EPG5: variants seen among roughly 807,000 people sequenced by gnomAD.
EPG5 encodes ectopic P-granules 5 autophagy tethering factor.
In EPG5, 159 loss-of-function variants were observed where a neutral mutation model predicts 302.7. The observed-to-expected ratio is 0.53, with a 90% CI of 0.46 to 0.60. The LOEUF (loss-of-function observed/expected upper bound fraction) is 0.60, where lower values mean the gene tolerates loss of function less well. Among genes scored for constraint, EPG5 ranks in the 20% least tolerant of loss-of-function variants. EPG5 has a pLI of 0.00. For synonymous variants in EPG5, 1,158 were observed against 1,136.8 expected, an observed-to-expected ratio of 1.02 and a Z score of -0.37; for missense variants, 2,896 against 3,092.4, an observed-to-expected ratio of 0.94 and a Z score of 1.51.
At chr18:45,908,325 C>G (rs2049810510) in intron 23 of EPG5, among the ~76,000 whole-genome samples, 1 of 151,992 alleles carries the variant, frequency 6.6e-6, no homozygotes, top group Non-Finnish European at 1.5e-5. Context: ...GGGGCTCTGA[C>G]AACAATTCTT....
chr18:45,900,427 A>G (rs1437065080), intron 26 of EPG5, among the ~76,000 whole-genome samples: 1 of 151,750 alleles, frequency 6.6e-6, no homozygotes, highest in Admixed American at 6.6e-5. Flanking sequence ...AAAAAAGGAA[A>G]TTGATTCACA....
intron 1 of EPG5, among the ~76,000 whole-genome samples, chr18:45,966,850 A>T (rs1221847081): frequency 6.6e-6 from 1 of 152,210 alleles, no homozygotes; most frequent in East Asian, 1.9e-4. Flanking sequence ...AGAGTCAACG[A>T]TGGGGCTGGA....
At chr18:45,854,242 T>C (rs975196512) in intron 43 of EPG5, among the ~76,000 whole-genome samples, 1 of 152,248 alleles carries the variant, frequency 6.6e-6, no homozygotes, top group African/African-American at 2.4e-5. Context: ...GAGTGACAAC[T>C]ATCAGCTATT....
intron 22 of EPG5, among the ~76,000 whole-genome samples, chr18:45,911,452 A>AT (rs1163464123): frequency 6.6e-6 from 1 of 150,376 alleles, no homozygotes; most frequent in Non-Finnish European, 1.5e-5. Context: ...CGCCTGGCTA[A>AT]TTTTTTTGTA....
In EPG5 at chr18:45,916,333, C is replaced by G; in HGVS notation, c.3384+105G>C. ...ATTGCCTTTCTTGGCCAAAAGCACA[C>G]TAAGCCAAGTGATCTGAAATGACTA... On this transcript the variant is annotated intron_variant, in intron 18 of 43. Transcript: ENST00000282041. 2.6e-6 allele frequency: 4 copies of G among 1,537,468 alleles called. No homozygotes were observed. The South Asian group carries it at 5.0e-5, about 19-fold the overall frequency.
the EPG5 span, among the ~76,000 whole-genome samples, chr18:45,823,134 GAAC>G: frequency 6.6e-6 from 1 of 152,152 alleles, no homozygotes; most frequent in East Asian, 1.9e-4. Flanking sequence ...AATGAGTTTT[GAAC>G]AACAAGCTAG....
chr18:45,811,520 A>G, the EPG5 span, among the ~76,000 whole-genome samples: 1 of 152,206 alleles, frequency 6.6e-6, no homozygotes, highest in East Asian at 1.9e-4. Flanking sequence ...ATCCTCAATA[A>G]AATACTGGCA....
At chr18:45,896,692 G>C (rs1049713335) in intron 27 of EPG5, among the ~76,000 whole-genome samples, 1 of 152,092 alleles carries the variant, frequency 6.6e-6, no homozygotes, top group South Asian at 2.1e-4. Flanking sequence ...CCACAGGCGT[G>C]CGCCACCATG....
intron 13 of EPG5, among the ~76,000 whole-genome samples, chr18:45,926,583 T>C (rs141992528): frequency 3.7e-3 from 567 of 152,188 alleles, no homozygotes; most frequent in African/African-American, 0.013. Flanking sequence ...TCCCAGCACT[T>C]TGGGGGGCCC....
intron 24 of EPG5, chr18:45,907,276 A>C (rs1334494146): frequency 2.0e-5 from 3 of 152,204 alleles, no homozygotes; most frequent in African/African-American, 7.2e-5. Flanking sequence ...GTCAATACTC[A>C]AAAGACTGCA....
chr18:45,895,589 A>T (rs1234818426), intron 27 of EPG5, among the ~76,000 whole-genome samples: 1 of 152,210 alleles, frequency 6.6e-6, no homozygotes, highest in Admixed American at 6.5e-5. Context: ...CTAGCAATTT[A>T]AGGGTTTGAG....
In EPG5 at chr18:45,910,525, C is replaced by T. The variant is rs773767816; in HGVS notation, c.4201G>A (p.Val1401Met). Residue 1401 changes from valine (V) to methionine (M), a missense_variant, in exon 23 of 44, where the codon GTG becomes ATG. Physicochemically the swap from Val to Met is conservative, Grantham distance 21. Transcript: ENST00000282041. ...TGGCTAAATAACCATACTCACCTCA[C>T]CAGCTCCTTGTGCAGTTCTGGTGAA... Reference protein sequence around the residue: ...LTSPELHKELVRLFNVYILWL... With the variant: ...LTSPELHKELMRLFNVYILWL... 1 of 1,605,354 alleles carries T rather than the reference C, an allele frequency of 6.2e-7. No homozygotes were observed. The highest frequency in any genetic ancestry group is 8.5e-7 in the Non-Finnish European group (1 of 1,176,256).
Position 45,943,141 on chromosome 18 carries a change from T to G in EPG5, c.1943+20A>C. 1.2e-6 allele frequency: 2 copies of G among 1,612,018 alleles called. No individual in the cohort carries two copies. The highest frequency in any genetic ancestry group is 2.2e-5 in the East Asian group (1 of 44,826). On this transcript the variant is annotated intron_variant, in intron 9 of 43. Transcript: ENST00000282041. ...CCAGGGTGAAAGGAACAGAGAAGGG[T>G]AGAGCAACAGCAGTATTACCTGATC...
At chr18:45,959,398 G>A (rs2143853640) in intron 1 of EPG5, among the ~76,000 whole-genome samples, 1 of 152,104 alleles carries the variant, frequency 6.6e-6, no homozygotes, top group South Asian at 2.1e-4. Context: ...TGTAATCCCA[G>A]CACTTTGGAA....
At chr18:45,837,839 G>T in the EPG5 span, 130 of 1,535,668 alleles carry the variant, frequency 8.5e-5, no homozygotes, top group Non-Finnish European at 1.1e-4. Flanking sequence ...CGTCGAGTTC[G>T]CCGGCGACGT....
At chr18:45,858,149 T>C in intron 41 of EPG5, 81 bp from the exon 42 acceptor site, 1 of 1,042,264 alleles carries the variant, frequency 9.6e-7, no homozygotes, top group South Asian at 1.5e-5. Context: ...CATCAGAGTT[T>C]GAAGGATAGG....
the EPG5 span, among the ~76,000 whole-genome samples, chr18:45,814,047 C>A: frequency 6.6e-6 from 1 of 152,012 alleles, no homozygotes; most frequent in African/African-American, 2.4e-5. Flanking sequence ...TGAGTATCTC[C>A]CCACAGATTA....
chr18:45,921,965 A>T (rs916195937), intron 16 of EPG5, among the ~76,000 whole-genome samples: 1 of 141,042 alleles, frequency 7.1e-6, no homozygotes, highest in African/African-American at 2.8e-5. Flanking sequence ...GTAAAATTTA[A>T]AAAAAAAAAA....
Position 45,955,245 on chromosome 18 carries a change from AG to A in EPG5, c.156del (p.Cys53ValfsTer8). 6.2e-7 allele frequency: 1 copy of A among 1,614,190 alleles called. No homozygotes were observed. Among genetic ancestry groups the A allele is most frequent in the Non-Finnish European group, 8.5e-7 (1 of 1,180,006 alleles). On this transcript the variant is annotated frameshift_variant, in exon 2 of 44. Coordinates refer to ENST00000282041, the MANE Select transcript of EPG5 (RefSeq NM_020964.3). LOFTEE classifies it high-confidence loss of function. ...TTCAGATGGTCTCCTTTGAATTCAC[AG>A]GCTAGAGAAGGGATTTCCTGCTCTC... The part of the protein sequence containing the change: ...TSREQEIPSL[A>X]CEFKGDHLKV...
Sources: allele counts gnomAD v4.1 joint callset (sites outside exome capture counted in the v4.1 genomes callset), GRCh38; gene constraint gnomAD v4.1.1; transcripts MANE v1.5; gene names NCBI Gene and HGNC (gene_info 2026-07-23, HGNC 2026-07-21).